The following STON1 variants were observed in gnomAD, a reference collection of about 807,000 sequenced individuals.
The protein encoded by STON1 is stonin 1.
A neutral mutation model predicts 60.9 loss-of-function variants in STON1; 79 were observed. That is an observed-to-expected ratio of 1.30 (90% confidence interval 1.08 to 1.56). The LOEUF (loss-of-function observed/expected upper bound fraction) is 1.56. STON1 is among the 40% of genes most tolerant of loss of function. The probability of loss-of-function intolerance (pLI) is 0.00; values close to 1 mark genes in which losing one functional copy is unlikely to be tolerated. For missense variants in STON1, 1,166 were observed against 858.9 expected, an observed-to-expected ratio of 1.36 and a Z score of -4.47; for synonymous variants, 363 against 306.9, an observed-to-expected ratio of 1.18 and a Z score of -1.91.
chr2:48,592,817 G>A (rs184866276), intron 3 of STON1, among the ~76,000 whole-genome samples: 3 of 151,952 alleles, frequency 2.0e-5, no homozygotes, highest in African/African-American at 7.3e-5. Context: ...ATCTCACTAT[G>A]TTGGTCAGGC....
chr2:48,570,896 A>G (rs952158566), intron 1 of STON1, among the ~76,000 whole-genome samples: 1 of 115,506 alleles, frequency 8.7e-6, no homozygotes, highest in Non-Finnish European at 1.6e-5. Context: ...AGAGTCTTGC[A>G]CTATCCCCCA....
intron 1 of STON1, among the ~76,000 whole-genome samples, chr2:48,568,132 A>C (rs975596114): frequency 6.6e-6 from 1 of 152,200 alleles, no homozygotes; most frequent in Non-Finnish European, 1.5e-5. Context: ...CAACAGGGAC[A>C]GTTTGGTTGG....
intron 2 of STON1, among the ~76,000 whole-genome samples, chr2:48,587,856 GC>G (rs1674301839): frequency 6.6e-6 from 1 of 152,210 alleles, no homozygotes; most frequent in Non-Finnish European, 1.5e-5. Flanking sequence ...ACACAGTGGG[GC>G]TGTGTCAGGT....
chr2:48,582,508 GA>G lies in STON1; in HGVS notation c.1876del (p.Ser626ValfsTer10). 6.2e-7 allele frequency: 1 copy of G among 1,614,184 alleles called. No individual in the cohort carries two copies. The highest frequency in any genetic ancestry group is 8.5e-7 in the Non-Finnish European group (1 of 1,180,016). Reference sequence around the variant, plus strand: ...TCACTGTGGGGTCAGCAAAATATGAGAGTGCCTACCAGGCAGTGGTATGGAA... The same window carrying G: ...TCACTGTGGGGTCAGCAAAATATGAGGTGCCTACCAGGCAGTGGTATGGAA... The part of the protein sequence containing the change: ...QVTVGSAKYE[S>X]AYQAVVWKID... On this transcript the variant is annotated frameshift_variant, in exon 2 of 4. Transcript: ENST00000404752. LOFTEE classifies it high-confidence loss of function.
chr2:48,554,081 A>AT (rs1672210199), intron 1 of STON1, among the ~76,000 whole-genome samples: 1 of 151,952 alleles, frequency 6.6e-6, no homozygotes, highest in South Asian at 2.1e-4. Context: ...ATCACCTTAG[A>AT]GGTGGTGTGA....
intron 1 of STON1, among the ~76,000 whole-genome samples, chr2:48,546,812 T>C (rs1020997530): frequency 2.0e-5 from 3 of 152,226 alleles, no homozygotes; most frequent in African/African-American, 7.2e-5. Context: ...GCAATCTTCC[T>C]GCTTTGGCCT....
rs767537625 is a variant in STON1, at chr2:48,581,824, G to T, written c.1191G>T (p.Leu397=). 7.4e-6 allele frequency: 12 copies of T among 1,614,088 alleles called. No homozygotes were observed. Among genetic ancestry groups the T allele is most frequent in the African/African-American group, 1.3e-5 (1 of 74,924 alleles). ...TTCTGACTACTGTGGAGGAGGAGCTGATGAAGTTGCCAGCTGTTTCAAAAC... is the reference window on the plus strand; with the variant it reads ...TTCTGACTACTGTGGAGGAGGAGCTTATGAAGTTGCCAGCTGTTTCAAAAC... ...LDFLTTVEEE[L]MKLPAVSKPK... is the part of the protein sequence containing the mutation. Residue 397 remains leucine (L), a synonymous_variant, in exon 2 of 4, where the codon CTG becomes CTT. Transcript: ENST00000404752.
In STON1 at chr2:48,595,578, G is replaced by C; in HGVS notation, c.*276G>C. 1 of 393,878 alleles carries C rather than the reference G, an allele frequency of 2.5e-6. No homozygotes were observed. The highest frequency in any genetic ancestry group is 4.6e-6 in the Non-Finnish European group (1 of 216,290). 24.4% of individuals were successfully genotyped at this position (393,878 alleles called of 1,614,324 possible). Reference sequence around the variant, plus strand: ...ACTCAAAGGCACTGTTACTCGTTGTGTGACCCCGCAGCCAGTATGATTTTT... The same window carrying C: ...ACTCAAAGGCACTGTTACTCGTTGTCTGACCCCGCAGCCAGTATGATTTTT... On this transcript the variant is annotated 3_prime_UTR_variant, in exon 4 of 4. Transcript: ENST00000404752.
intron 1 of STON1, among the ~76,000 whole-genome samples, chr2:48,542,972 T>C (rs1671714912): frequency 1.3e-5 from 1 of 75,534 alleles, no homozygotes; most frequent in Admixed American, 1.1e-4. Context: ...ATATCTTGAC[T>C]TTTTTTTTTT....
intron 1 of STON1, among the ~76,000 whole-genome samples, chr2:48,545,725 G>C (rs1671838096): frequency 6.6e-6 from 1 of 152,146 alleles, no homozygotes; most frequent in Admixed American, 6.6e-5. Context: ...GCTTGGACTT[G>C]ACTTCTCAGT....
In STON1 at chr2:48,582,134, A is replaced by G; in HGVS notation, c.1501A>G (p.Ile501Val). Residue 501 changes from isoleucine (I) to valine (V), a missense_variant, in exon 2 of 4, where the codon ATC becomes GTC. Physicochemically the swap from Ile to Val is conservative, Grantham distance 29. Coordinates refer to ENST00000404752, the MANE Select transcript of STON1 (RefSeq NM_006873.4). Reference protein sequence around the residue: ...VNVQEFEQSRIIKFVPLDACR... With the variant: ...VNVQEFEQSRVIKFVPLDACR... The stretch of plus-strand genomic sequence containing the variant: ...TGTACAAGAATTTGAGCAATCAAGA[A>G]TCATTAAGTTTGTACCTCTGGATGC... 1 of 1,614,226 alleles carries G rather than the reference A, an allele frequency of 6.2e-7. No homozygotes were observed. The highest frequency in any genetic ancestry group is 8.5e-7 in the Non-Finnish European group (1 of 1,180,048).
intron 1 of STON1, among the ~76,000 whole-genome samples, chr2:48,568,224 C>T (rs1673031054): frequency 6.6e-6 from 1 of 152,098 alleles, no homozygotes; most frequent in Admixed American, 6.6e-5. Flanking sequence ...CAGTCCTCCC[C>T]CAACATCTAG....
intron 1 of STON1, among the ~76,000 whole-genome samples, chr2:48,550,961 T>C (rs1672077732): frequency 6.6e-6 from 1 of 151,962 alleles, no homozygotes; most frequent in African/African-American, 2.4e-5. Context: ...TTTCTTTTCT[T>C]TTTACTTAAA....
chr2:48,557,074 A>AC (rs547175576), intron 1 of STON1, among the ~76,000 whole-genome samples: 1,870 of 59,388 alleles, frequency 0.031, 25 homozygotes, highest in Non-Finnish European at 0.043. Flanking sequence ...CGGGGGGCTG[A>AC]CCCCCCCCCA....
rs137899415 is a variant in STON1 at position 48,582,116 on chromosome 2, G to A, written c.1483G>A (p.Glu495Lys). 1.8e-3 allele frequency: 2,939 copies of A among 1,614,182 alleles called. 7 individuals are homozygous for A. The highest frequency in any genetic ancestry group is 2.2e-3 in the Non-Finnish European group (2,593 of 1,180,032). The change falls in exon 2 of 4, where the codon GAA becomes AAA. Residue 495 changes from glutamate to lysine, a missense_variant. Physicochemically the swap from Glu to Lys is moderately conservative, Grantham distance 56. Coordinates refer to ENST00000404752, the MANE Select transcript of STON1 (RefSeq NM_006873.4). ...TTTTCATAAGTGTGTGAATGTACAA[G>A]AATTTGAGCAATCAAGAATCATTAA... is the stretch of plus-strand genomic sequence containing the variant. ...YHFHKCVNVQEFEQSRIIKFV... is the reference protein window; with the variant it reads ...YHFHKCVNVQKFEQSRIIKFV...
At chr2:48,588,460 C>A (rs907593783) in intron 2 of STON1, among the ~76,000 whole-genome samples, 12 of 152,138 alleles carry the variant, frequency 7.9e-5, no homozygotes, top group Non-Finnish European at 1.6e-4. Flanking sequence ...AAGCCATCCT[C>A]CCACCTCAGC....
rs1673898939 is a variant in STON1 at position 48,581,749 on chromosome 2, A to G, written c.1116A>G (p.Ile372Met). The G allele has an allele frequency of 6.2e-7, 1 of 1,613,220 alleles. No homozygotes were observed. The highest frequency in any genetic ancestry group is 1.1e-5 in the South Asian group (1 of 90,718). Reference sequence around the variant, plus strand: ...CAGAAGTAGTTCATGAACCTGACATAGAGCAGATGCTGAAGTTGGGGTCCA... The same window carrying G: ...CAGAAGTAGTTCATGAACCTGACATGGAGCAGATGCTGAAGTTGGGGTCCA... ...SKTEVVHEPD[I>M]EQMLKLGSTS... is the part of the protein sequence containing the mutation. Residue 372 changes from isoleucine (I) to methionine (M), a missense_variant, in exon 2 of 4, where the codon ATA becomes ATG. By Grantham distance (10) the Ile-to-Met change is conservative. Transcript: ENST00000404752.
At chr2:48,578,095 C>G (rs1290367950) in intron 1 of STON1, among the ~76,000 whole-genome samples, 2 of 152,206 alleles carry the variant, frequency 1.3e-5, no homozygotes, top group Non-Finnish European at 2.9e-5. Flanking sequence ...CTGCCTTAGC[C>G]TCCAGAGTAG....
intron 1 of STON1, among the ~76,000 whole-genome samples, chr2:48,564,900 T>G (rs1196330601): frequency 7.1e-6 from 1 of 141,450 alleles, no homozygotes; most frequent in Non-Finnish European, 1.5e-5. Flanking sequence ...GCCCGGCTAA[T>G]TTTTGTATTT....
Sources: allele counts gnomAD v4.1 joint callset (sites outside exome capture counted in the v4.1 genomes callset), GRCh38; gene constraint gnomAD v4.1.1; transcripts MANE v1.5; gene names NCBI Gene and HGNC (gene_info 2026-07-23, HGNC 2026-07-21).